Variants in KLHL1 observed in about 807,000 individuals in gnomAD.
KLHL1 encodes the protein kelch like family member 1.
A neutral mutation model predicts 77.7 loss-of-function variants in KLHL1; 47 were observed. That is an observed-to-expected ratio of 0.60 (90% confidence interval 0.48 to 0.77). KLHL1 has a LOEUF of 0.77. KLHL1 is among the 30% of genes least tolerant of loss of function. KLHL1 has a pLI of 0.00. For missense variants in KLHL1, 925 were observed against 910.8 expected (o/e 1.02, Z -0.20); for synonymous variants, 360 against 325.2 (o/e 1.11, Z -1.15).
chr13:69,776,634 T>C (rs1451139362), intron 7 of KLHL1, among the ~76,000 whole-genome samples: 1 of 152,152 alleles, frequency 6.6e-6, no homozygotes, highest in Non-Finnish European at 1.5e-5. Flanking sequence ...AGCATGCACT[T>C]TAAGTTGACA....
chr13:69,803,470 G>A (rs1877480422), intron 6 of KLHL1, among the ~76,000 whole-genome samples: 1 of 152,162 alleles, frequency 6.6e-6, no homozygotes, highest in Non-Finnish European at 1.5e-5. Context: ...TATGCAGTGG[G>A]TAGAATTTAA....
At chr13:70,028,734 T>C (rs1886016668) in intron 1 of KLHL1, among the ~76,000 whole-genome samples, 1 of 152,060 alleles carries the variant, frequency 6.6e-6, no homozygotes, top group Non-Finnish European at 1.5e-5. Context: ...CCCAGCAGTT[T>C]GAGAGGCCGA....
At chr13:69,924,110 G>A (rs763766530) in intron 4 of KLHL1, among the ~76,000 whole-genome samples, 17 of 152,212 alleles carry the variant, frequency 1.1e-4, no homozygotes, top group South Asian at 4.1e-4. Context: ...CTTGGGCACC[G>A]ATAAGCATGG....
At position 69,993,696 on chromosome 13, in the gene KLHL1, G is replaced by A. The variant is rs1460405568; in HGVS notation, c.498-17894C>T. On this transcript the variant is annotated intron_variant, in intron 1 of 10. Coordinates refer to ENST00000377844, the MANE Select transcript of KLHL1 (RefSeq NM_020866.3). ...GTAATGGACTCCATTTTTCTCATCT[G>A]GATGCCTTATTATTTAATTTGTTCC... is the stretch of plus-strand genomic sequence containing the variant. Among the ~76,000 whole-genome samples the A allele has an allele frequency of 2.0e-5, 3 of 151,850 alleles. 1 individual carries two copies. Among genetic ancestry groups the A allele is most frequent in the Admixed American group, 2.0e-4 (3 of 15,192 alleles).
intron 7 of KLHL1, among the ~76,000 whole-genome samples, chr13:69,780,773 T>C (rs2138003647): frequency 7.1e-6 from 1 of 140,700 alleles, no homozygotes; most frequent in Admixed American, 7.4e-5. Context: ...CACATTTATA[T>C]ATAACATATA....
intron 2 of KLHL1, among the ~76,000 whole-genome samples, chr13:69,964,086 C>T (rs193113200): frequency 1.3e-5 from 2 of 152,066 alleles, no homozygotes; most frequent in East Asian, 1.9e-4. Flanking sequence ...CTTTGTCACC[C>T]AGGCTGGAGT....
Position 69,940,076 on chromosome 13 carries a change from G to A in KLHL1, c.978C>T (p.Cys326=). ...GIRAFADAQG[C]IELMKVAHSY... ...TGTGGGCCACCTTCATTAACTCAATGCATCCTTGAGCATCTGCGAAGGCTC... is the reference window on the plus strand; with the variant it reads ...TGTGGGCCACCTTCATTAACTCAATACATCCTTGAGCATCTGCGAAGGCTC... The change falls in exon 4 of 11, where the codon TGC becomes TGT. Residue 326 remains cysteine, a synonymous_variant. Transcript: ENST00000377844. 3 of 1,610,962 alleles carry A rather than the reference G, an allele frequency of 1.9e-6. No individual in the cohort carries two copies. The highest frequency in any genetic ancestry group is 2.5e-6 in the Non-Finnish European group (3 of 1,178,662).
intron 1 of KLHL1, among the ~76,000 whole-genome samples, chr13:70,025,954 T>A (rs996218882): frequency 7.9e-5 from 12 of 152,008 alleles, no homozygotes; most frequent in Non-Finnish European, 1.6e-4. Context: ...AGGTGAAACA[T>A]TTTGAAGGTT....
intron 3 of KLHL1, among the ~76,000 whole-genome samples, chr13:69,946,037 T>C (rs1269764994): frequency 6.6e-6 from 1 of 152,124 alleles, no homozygotes; most frequent in Non-Finnish European, 1.5e-5. Context: ...TGGTTACTTA[T>C]GTTGAGTGCA....
intron 1 of KLHL1, among the ~76,000 whole-genome samples, chr13:69,988,089 T>TGG (rs1491451071): frequency 1.3e-4 from 20 of 150,960 alleles, no homozygotes; most frequent in African/African-American, 4.9e-4. Flanking sequence ...AGCTTTTTTT[T>TGG]GGCGGGGGGA....
chr13:70,053,809 G>T (rs1268336317), intron 1 of KLHL1, among the ~76,000 whole-genome samples: 1 of 151,984 alleles, frequency 6.6e-6, no homozygotes, highest in East Asian at 1.9e-4. Context: ...AGTTTTGGCG[G>T]GCACAAGAAA....
In KLHL1 at chr13:69,957,876, T is replaced by C. The variant is rs893474752; in HGVS notation, c.817+3432A>G. On this transcript the variant is annotated intron_variant, in intron 3 of 10. Coordinates refer to ENST00000377844, the MANE Select transcript of KLHL1 (RefSeq NM_020866.3). ...TAATTAAGAATTTAGAAAAATGACATGAACTTCATATTAAGTTATAATTAT... is the reference window on the plus strand; with the variant it reads ...TAATTAAGAATTTAGAAAAATGACACGAACTTCATATTAAGTTATAATTAT... Among the ~76,000 whole-genome samples, 3 of 151,798 alleles carry C rather than the reference T, an allele frequency of 2.0e-5. No individual in the cohort carries two copies. The Admixed American group carries it at 2.0e-4, about 10-fold the overall frequency.
chr13:70,029,647 A>T (rs545400922), intron 1 of KLHL1, among the ~76,000 whole-genome samples: 1 of 152,324 alleles, frequency 6.6e-6, no homozygotes, highest in East Asian at 1.9e-4. Flanking sequence ...CACTGCAAAA[A>T]CATGCCAAAT....
At chr13:69,910,358 T>C (rs1882195934) in intron 4 of KLHL1, among the ~76,000 whole-genome samples, 1 of 152,128 alleles carries the variant, frequency 6.6e-6, no homozygotes, top group African/African-American at 2.4e-5. Context: ...TTAAGGCCCA[T>C]GTCAATCATA....
Position 69,855,329 on chromosome 13 carries a change from T to C in KLHL1, c.1228-16167A>G, listed in dbSNP as rs867020146. 5.2e-3 allele frequency among the ~76,000 whole-genome samples: 586 copies of C among 113,202 alleles called. 8 individuals carry two copies. The highest frequency in any genetic ancestry group is 0.021 in the African/African-American group (563 of 26,428). The allele number at this position is 113,202 out of a possible 152,430, so 74.3% of individuals were successfully genotyped here. The stretch of plus-strand genomic sequence containing the variant: ...ATAGATAGATAGATAGATAGATAGA[T>C]AGATAGATAGATAGATAGACAGACA... On this transcript the variant is annotated intron_variant, in intron 5 of 10. Transcript: ENST00000377844.
At chr13:69,986,184 T>G (rs1387460840) in intron 1 of KLHL1, among the ~76,000 whole-genome samples, 1 of 151,820 alleles carries the variant, frequency 6.6e-6, no homozygotes, top group Admixed American at 6.6e-5. Flanking sequence ...GAGGAGACTG[T>G]GGGGAGAGAA....
At chr13:69,930,420 G>A (rs553544149) in intron 4 of KLHL1, among the ~76,000 whole-genome samples, 10 of 151,738 alleles carry the variant, frequency 6.6e-5, no homozygotes, top group Non-Finnish European at 1.5e-4. Context: ...CACATCATTG[G>A]TCACTTAAAA....
At chr13:69,915,269 G>C (rs574734094) in intron 4 of KLHL1, among the ~76,000 whole-genome samples, 1 of 152,206 alleles carries the variant, frequency 6.6e-6, no homozygotes, top group Non-Finnish European at 1.5e-5. Flanking sequence ...AACCAAAAAA[G>C]AGCCTGCATT....
At chr13:69,948,609 A>G (rs1883605108) in intron 3 of KLHL1, among the ~76,000 whole-genome samples, 1 of 152,010 alleles carries the variant, frequency 6.6e-6, no homozygotes. Flanking sequence ...GTATGAGTAG[A>G]CTTAAACTCT....
Sources: allele counts gnomAD v4.1 joint callset (sites outside exome capture counted in the v4.1 genomes callset), GRCh38; gene constraint gnomAD v4.1.1; transcripts MANE v1.5; gene names NCBI Gene and HGNC (gene_info 2026-07-23, HGNC 2026-07-21).